GREB1: variants seen among roughly 807,000 people sequenced by gnomAD.
The protein encoded by GREB1 is protein GREB1.
In GREB1, 106 loss-of-function variants were observed where a neutral mutation model predicts 200.7. The observed-to-expected ratio is 0.53, with a 90% CI of 0.45 to 0.62. The LOEUF is 0.62. Ranked by LOEUF, GREB1 falls within the 20% of genes least tolerant of loss-of-function variation. The probability of loss-of-function intolerance (pLI) is 0.00; values close to 1 mark genes in which losing one functional copy is unlikely to be tolerated. For missense variants in GREB1, 2,243 were observed against 2,556.8 expected (o/e 0.88, Z 2.65); for synonymous variants, 1,132 against 1,092.4 (o/e 1.04, Z -0.72).
chr2:11,587,742 C>CACACACACACGCGCGT lies in GREB1; in HGVS notation c.1160-1004_1160-1003insACACACACACGCGCGT, dbSNP rs1680307438. On this transcript the variant is annotated intron_variant, in intron 9 of 32. Transcript: ENST00000381486. ...ACACACACACACACACACACACACA[C>CACACACACACGCGCGT]GCCACCTTTGGGAGCTCAGCAGCCC... 2.7e-6 allele frequency: 3 copies of CACACACACACGCGCGT among 1,116,500 alleles called. 1 individual carries two copies. In the South Asian group the frequency reaches 9.5e-5, roughly 35 times the overall value. 69.2% of individuals were successfully genotyped at this position (1,116,500 alleles called of 1,614,324 possible).
chr2:11,506,393 T>C (rs1404816456), intron 1 of GREB1, among the ~76,000 whole-genome samples: 1 of 152,128 alleles, frequency 6.6e-6, no homozygotes, highest in Non-Finnish European at 1.5e-5. Context: ...GGGAGGCCAA[T>C]GGTAAGAGCA....
At chr2:11,573,044 C>T (rs758680916) in intron 4 of GREB1, among the ~76,000 whole-genome samples, 10 of 152,180 alleles carry the variant, frequency 6.6e-5, no homozygotes, top group East Asian at 1.9e-4. Context: ...TGTTGACAGA[C>T]GGGGAAAGCA....
At chr2:11,528,804 A>G (rs1572596479) in intron 1 of GREB1, among the ~76,000 whole-genome samples, 1 of 152,284 alleles carries the variant, frequency 6.6e-6, no homozygotes, top group East Asian at 1.9e-4. Context: ...TAAAAGAATA[A>G]CCAGACAATA....
In GREB1 at chr2:11,626,814, G is replaced by A. The variant is rs570046526; in HGVS notation, c.4307-148G>A. 9 of 735,014 alleles carry A rather than the reference G, an allele frequency of 1.2e-5. No homozygotes were observed. In the South Asian group the frequency reaches 1.5e-4, roughly 13 times the overall value. 45.5% of individuals were successfully genotyped at this position (735,014 alleles called of 1,614,324 possible). ...CTCCTTTGACCAGCTGTCACGTCAG[G>A]GCCCAGGGAGGTGAGAGGCAGTCCT... On this transcript the variant is annotated intron_variant, in intron 24 of 32. Transcript: ENST00000381486.
chr2:11,592,173 CT>C, intron 10 of GREB1: 1 of 842,372 alleles, frequency 1.2e-6, no homozygotes, highest in Non-Finnish European at 1.4e-6. Flanking sequence ...ATTTGGCTTC[CT>C]ACTTTTTTTT....
chr2:11,508,623 G>C (rs1414025557), intron 1 of GREB1, among the ~76,000 whole-genome samples: 1 of 152,170 alleles, frequency 6.6e-6, no homozygotes, highest in African/African-American at 2.4e-5. Flanking sequence ...TTCCAGGACA[G>C]TGTAGTCTAC....
chr2:11,626,226 G>A (rs563758902), intron 24 of GREB1, among the ~76,000 whole-genome samples: 7 of 152,178 alleles, frequency 4.6e-5, no homozygotes, highest in Non-Finnish European at 7.4e-5. Flanking sequence ...TTGCACTGAG[G>A]ATCCTTCTCG....
chr2:11,484,574 C>G (rs1343097095), intron 1 of GREB1, among the ~76,000 whole-genome samples: 1 of 123,394 alleles, frequency 8.1e-6, no homozygotes. Flanking sequence ...CATAGCGAGA[C>G]TCTCATCTCT....
chr2:11,560,701 C>CA (rs57683800), intron 2 of GREB1, among the ~76,000 whole-genome samples: 16,740 of 143,200 alleles, frequency 0.12, 1,388 homozygotes, highest in African/African-American at 0.24. Context: ...AACTCCATCT[C>CA]AAAAAAAAAA....
chr2:11,489,107 T>C (rs1187392839), intron 1 of GREB1, among the ~76,000 whole-genome samples: 1 of 152,108 alleles, frequency 6.6e-6, no homozygotes, highest in Non-Finnish European at 1.5e-5. Flanking sequence ...AAACTCTGGA[T>C]AGAATGCCAA....
intron 1 of GREB1, among the ~76,000 whole-genome samples, chr2:11,525,112 G>A (rs549120276): frequency 6.6e-6 from 1 of 152,282 alleles, no homozygotes; most frequent in East Asian, 1.9e-4. Context: ...GGTTGGCTGT[G>A]TTACATGCAG....
chr2:11,501,905 GTTTTTTTT>G (rs1204074491), intron 1 of GREB1, among the ~76,000 whole-genome samples: 1 of 61,550 alleles, frequency 1.6e-5, no homozygotes, highest in Non-Finnish European at 2.8e-5. Context: ...GTTTTTTTTT[GTTTTTTTT>G]TTTTTTTTTT....
rs563825166 is a variant in GREB1 at position 11,591,479 on chromosome 2, T to C, written c.1346-1297T>C. 3 of 717,812 alleles carry C rather than the reference T, an allele frequency of 4.2e-6. No homozygotes were observed. In the African/African-American group the frequency reaches 5.2e-5, roughly 13 times the overall value. 44.5% of individuals were successfully genotyped at this position (717,812 alleles called of 1,614,324 possible). A position where few individuals can be genotyped will look rare whatever the true frequency, so the allele number is the denominator to read the frequency against. ...AGAAGGAAACAAATATTGAAAAGTA[T>C]TCAGTCTCACTCATCATCAAAGACA... is the stretch of plus-strand genomic sequence containing the variant. On this transcript the variant is annotated intron_variant, in intron 10 of 32. Coordinates refer to ENST00000381486, the MANE Select transcript of GREB1 (RefSeq NM_014668.4).
At chr2:11,587,435 T>C (rs753062331) in intron 9 of GREB1, 1 of 1,613,892 alleles carries the variant, frequency 6.2e-7, no homozygotes, top group Non-Finnish European at 8.5e-7. Flanking sequence ...AGAACCTGCA[T>C]CGCCCCGGAG....
At chr2:11,622,293 C>T (rs113210226) in intron 23 of GREB1, among the ~76,000 whole-genome samples, 2 of 152,144 alleles carry the variant, frequency 1.3e-5, no homozygotes, top group Non-Finnish European at 2.9e-5. Context: ...GTTGGCCAGG[C>T]TGGTCTCAAA....
intron 11 of GREB1, 34 bp from the exon 12 acceptor site, chr2:11,595,217 A>G: frequency 6.3e-7 from 1 of 1,591,050 alleles, no homozygotes. Context: ...CAGGGAAGAT[A>G]CAATGGGTAC....
chr2:11,498,163 T>C (rs1001676866), intron 1 of GREB1, among the ~76,000 whole-genome samples: 1 of 152,038 alleles, frequency 6.6e-6, no homozygotes, highest in Admixed American at 6.5e-5. Flanking sequence ...ACTTTTGATG[T>C]CAAATTTTAA....
chr2:11,597,890 G>A lies in GREB1; in HGVS notation c.2064G>A (p.Leu688=). Residue 688 remains leucine, a synonymous_variant, in exon 14 of 33, where the codon CTG becomes CTA. Transcript: ENST00000381486. This position sits in a 1 kb window ranked among gnomAD's most constrained non-coding sequence, Gnocchi z 4.1. Reference sequence around the variant, plus strand: ...ATTCCAGCACCCAAAATCTGGACCTGGGATCCTTTGAGAAGGTGGACTTTC... The same window carrying A: ...ATTCCAGCACCCAAAATCTGGACCTAGGATCCTTTGAGAAGGTGGACTTTC... The part of the protein sequence containing the change: ...IADSSTQNLD[L]GSFEKVDFLI... 6.2e-7 allele frequency: 1 copy of A among 1,614,152 alleles called. No homozygotes were observed. The highest frequency in any genetic ancestry group is 8.5e-7 in the Non-Finnish European group (1 of 1,179,996).
At chr2:11,533,634 CA>C, upstream of GREB1, among the ~76,000 whole-genome samples, 1 of 152,300 alleles carries the variant, frequency 6.6e-6, no homozygotes, top group African/African-American at 2.4e-5. Context: ...TTGCTACCAA[CA>C]AAACCCAACA....
Sources: gnomAD v4.1 joint callset for allele counts (sites outside exome capture counted in the v4.1 genomes callset) on GRCh38, gnomAD v4.1.1 for gene constraint, Gnocchi (gnomAD v3.1) non-coding constraint, MANE v1.5 for transcripts, NCBI Gene and HGNC (gene_info 2026-07-23, HGNC 2026-07-21) for gene names.